The following SNTG1 variants were observed in gnomAD, a reference collection of about 807,000 sequenced individuals.
The protein encoded by SNTG1 is gamma-1-syntrophin.
In SNTG1, 39 loss-of-function variants were observed where a neutral mutation model predicts 74.7. That is an observed-to-expected ratio of 0.52 (90% CI 0.40 to 0.68). The LOEUF (loss-of-function observed/expected upper bound fraction) is 0.68, where lower values mean the gene tolerates loss of function less well. SNTG1 is among the 30% of genes least tolerant of loss of function. SNTG1 has a pLI of 0.00. For missense variants in SNTG1, 685 were observed against 609.5 expected (o/e 1.12, Z -1.30); for synonymous variants, 254 against 217.1 (o/e 1.17, Z -1.49).
chr8:50,747,270 T>G (rs745484433), intron 17 of SNTG1, among the ~76,000 whole-genome samples: 2 of 151,894 alleles, frequency 1.3e-5, no homozygotes, highest in Non-Finnish European at 1.5e-5. Flanking sequence ...TCATGAAGGG[T>G]TATGCTTCAG....
intron 13 of SNTG1, among the ~76,000 whole-genome samples, chr8:50,611,009 T>TA (rs2094845928): frequency 6.6e-6 from 1 of 152,150 alleles, no homozygotes; most frequent in African/African-American, 2.4e-5. Flanking sequence ...TTAAGGATAT[T>TA]AAAATTAAGG....
At chr8:50,199,978 T>C (rs753049734) in intron 2 of SNTG1, among the ~76,000 whole-genome samples, 26 of 149,898 alleles carry the variant, frequency 1.7e-4, no homozygotes, top group South Asian at 6.6e-4. Context: ...TGCAATTAGC[T>C]ATTTGTATCA....
At chr8:50,701,618 C>CTTCTT (rs201341360) in intron 15 of SNTG1, among the ~76,000 whole-genome samples, 74 of 136,982 alleles carry the variant, frequency 5.4e-4, no homozygotes, top group East Asian at 1.3e-3. Context: ...TCTTCTTCTT[C>CTTCTT]GTGTTCCTCT....
At chr8:50,709,385 T>A (rs114881945) in intron 17 of SNTG1, among the ~76,000 whole-genome samples, 6,662 of 152,038 alleles carry the variant, frequency 0.044, 392 homozygotes, top group African/African-American at 0.12. Flanking sequence ...GTTGTTTTTT[T>A]AAAAAAAATT....
At position 50,704,782 on chromosome 8, in the gene SNTG1, G is replaced by T. The variant is rs747239227; in HGVS notation, c.1191+30G>T. 4.3e-6 allele frequency: 7 copies of T among 1,611,954 alleles called. No homozygotes were observed. In the Admixed American group the frequency reaches 8.4e-5, roughly 19 times the overall value. On this transcript the variant is annotated intron_variant, in intron 16 of 18. Coordinates refer to ENST00000642720, the MANE Select transcript of SNTG1 (RefSeq NM_018967.5). Reference sequence around the variant, plus strand: ...GAGTCTGTGGGACTGCAGGATGTGTGGCTCCCTCAGATGCATGACCACTTC... The same window carrying T: ...GAGTCTGTGGGACTGCAGGATGTGTTGCTCCCTCAGATGCATGACCACTTC...
chr8:50,785,009 A>G (rs985826931), intron 18 of SNTG1, among the ~76,000 whole-genome samples: 3 of 152,138 alleles, frequency 2.0e-5, no homozygotes, highest in African/African-American at 7.2e-5. Context: ...ATAAATAACA[A>G]TGAAATCTCA....
intron 17 of SNTG1, among the ~76,000 whole-genome samples, chr8:50,740,408 A>G (rs2095540350): frequency 6.6e-6 from 1 of 152,060 alleles, no homozygotes. Context: ...GAGAAATGCA[A>G]ATCAAAACCA....
intron 8 of SNTG1, among the ~76,000 whole-genome samples, chr8:50,470,523 T>G (rs999314376): frequency 4.6e-5 from 7 of 152,060 alleles, no homozygotes; most frequent in African/African-American, 1.7e-4. Context: ...TCGTAGTGAG[T>G]GTTACAGCTC....
intron 17 of SNTG1, among the ~76,000 whole-genome samples, chr8:50,726,230 T>C (rs958795063): frequency 2.6e-5 from 4 of 152,186 alleles, no homozygotes; most frequent in African/African-American, 9.7e-5. Flanking sequence ...CTCATCAATA[T>C]CACTAATTTC....
At chr8:50,284,502 A>G (rs964733555) in intron 2 of SNTG1, among the ~76,000 whole-genome samples, 4 of 152,074 alleles carry the variant, frequency 2.6e-5, no homozygotes, top group African/African-American at 9.7e-5. Context: ...GTCCTTTAAC[A>G]TCCACCTGTC....
At chr8:50,729,994 G>A (rs1039619025) in intron 17 of SNTG1, among the ~76,000 whole-genome samples, 27 of 152,064 alleles carry the variant, frequency 1.8e-4, no homozygotes, top group Admixed American at 1.2e-3. Context: ...GGAGCACCCC[G>A]TATTCACTAC....
At chr8:50,668,790 T>G (rs991267054) in intron 15 of SNTG1, among the ~76,000 whole-genome samples, 2 of 151,976 alleles carry the variant, frequency 1.3e-5, no homozygotes, top group African/African-American at 4.8e-5. Flanking sequence ...TTCATCCATG[T>G]CCCTGCAAAG....
chr8:50,105,616 G>T (rs931454946), intron 1 of SNTG1, among the ~76,000 whole-genome samples: 24 of 151,918 alleles, frequency 1.6e-4, no homozygotes, highest in African/African-American at 5.5e-4. Context: ...TCTGTAAATT[G>T]CTTTGTGCAG....
intron 1 of SNTG1, among the ~76,000 whole-genome samples, chr8:49,991,787 T>C (rs988332117): frequency 1.1e-4 from 17 of 152,188 alleles, no homozygotes; most frequent in Non-Finnish European, 1.3e-4. Context: ...AGGTTCGTGG[T>C]TGCCAGCATA....
intron 1 of SNTG1, among the ~76,000 whole-genome samples, chr8:50,024,779 A>G (rs1405830116): frequency 6.6e-6 from 1 of 152,180 alleles, no homozygotes; most frequent in African/African-American, 2.4e-5. Context: ...CCCTCCTCCT[A>G]CTTGCGATGA....
chr8:50,688,169 T>A (rs2095361126), intron 15 of SNTG1, among the ~76,000 whole-genome samples: 1 of 152,318 alleles, frequency 6.6e-6, no homozygotes, highest in South Asian at 2.1e-4. Context: ...CTTTGTCAGA[T>A]GAGTAGATTG....
At chr8:50,671,178 C>A (rs914057240) in intron 15 of SNTG1, among the ~76,000 whole-genome samples, 7 of 151,706 alleles carry the variant, frequency 4.6e-5, no homozygotes, top group East Asian at 1.9e-4. Flanking sequence ...GCAACAAAAG[C>A]CAAAATTGAC....
At chr8:49,991,325 C>A (rs1424189260) in intron 1 of SNTG1, among the ~76,000 whole-genome samples, 2 of 151,948 alleles carry the variant, frequency 1.3e-5, no homozygotes, top group Non-Finnish European at 2.9e-5. Context: ...AAATTGGAGC[C>A]CCGATGCAAG....
intron 17 of SNTG1, among the ~76,000 whole-genome samples, chr8:50,713,586 G>T (rs574734711): frequency 6.6e-6 from 1 of 152,110 alleles, no homozygotes; most frequent in South Asian, 2.1e-4. Context: ...CCATGTCTGC[G>T]TCCTGGATGG....
Sources: gnomAD v4.1 joint callset for allele counts (sites outside exome capture counted in the v4.1 genomes callset) on GRCh38, gnomAD v4.1.1 for gene constraint, MANE v1.5 for transcripts, NCBI Gene and HGNC (gene_info 2026-07-23, HGNC 2026-07-21) for gene names.